The following SCHIP1 variants were observed in gnomAD, a reference collection of about 807,000 sequenced individuals.
SCHIP1 encodes schwannomin-interacting protein 1.
In SCHIP1, 8 loss-of-function variants were observed where a neutral mutation model predicts 29.7. The observed-to-expected ratio is 0.27, with a 90% CI of 0.16 to 0.49. The LOEUF is 0.49. Among genes scored for constraint, SCHIP1 ranks in the 20% least tolerant of loss-of-function variants. The pLI is 0.99. For missense variants in SCHIP1, 193 were observed against 294.6 expected (o/e 0.66, Z 2.52); for synonymous variants, 76 against 94.9 (o/e 0.80, Z 1.16).
chr3:159,684,848 A>G, the SCHIP1 span, among the ~76,000 whole-genome samples: 1 of 151,222 alleles, frequency 6.6e-6, no homozygotes, highest in East Asian at 1.9e-4. Context: ...AAAAAAAAAA[A>G]GCATCCTCTC....
chr3:159,713,924 G>T, the SCHIP1 span, among the ~76,000 whole-genome samples: 10 of 152,180 alleles, frequency 6.6e-5, no homozygotes, highest in Admixed American at 3.3e-4. Flanking sequence ...TGTGGTTAAT[G>T]GTCACATTTA....
At chr3:159,735,650 T>G in the SCHIP1 span, among the ~76,000 whole-genome samples, 84,709 of 152,062 alleles carry the variant, frequency 0.56, 26,533 homozygotes, top group East Asian at 0.71. Context: ...TTTGCCTTAC[T>G]TGCAATGAGT....
the SCHIP1 span, among the ~76,000 whole-genome samples, chr3:159,683,458 G>A: frequency 6.6e-6 from 1 of 151,984 alleles, no homozygotes; most frequent in African/African-American, 2.4e-5. Flanking sequence ...AATCGTTTTT[G>A]TAATATTCTT....
chr3:159,681,706 C>G, the SCHIP1 span, among the ~76,000 whole-genome samples: 1 of 152,222 alleles, frequency 6.6e-6, no homozygotes, highest in Admixed American at 6.5e-5. Context: ...TTTCCCTCAA[C>G]TTTTCTTTGC....
chr3:159,279,939 G>A, the SCHIP1 span, among the ~76,000 whole-genome samples: 35 of 152,248 alleles, frequency 2.3e-4, no homozygotes, highest in African/African-American at 8.4e-4. Context: ...ACTTTTCTGA[G>A]ACACTTCTTC....
the SCHIP1 span, among the ~76,000 whole-genome samples, chr3:159,644,501 C>T: frequency 6.6e-6 from 1 of 152,034 alleles, no homozygotes; most frequent in Non-Finnish European, 1.5e-5. Context: ...TCTTCTTGAT[C>T]CTTTTCTCTT....
the SCHIP1 span, among the ~76,000 whole-genome samples, chr3:159,808,148 T>A: frequency 5.8e-4 from 89 of 152,352 alleles, no homozygotes; most frequent in African/African-American, 1.5e-3. Flanking sequence ...AATTGTTTTG[T>A]TTTTATTTTG....
At chr3:159,483,100 C>T in the SCHIP1 span, among the ~76,000 whole-genome samples, 4 of 152,162 alleles carry the variant, frequency 2.6e-5, no homozygotes, top group Non-Finnish European at 5.9e-5. Flanking sequence ...AGAGCTCCCA[C>T]TGTTTTTCAC....
chr3:159,596,135 A>G, the SCHIP1 span, among the ~76,000 whole-genome samples: 3 of 152,214 alleles, frequency 2.0e-5, no homozygotes, highest in Admixed American at 2.0e-4. Flanking sequence ...AAAAGTGGGC[A>G]AAGGATATGA....
chr3:159,786,968 G>C, the SCHIP1 span, among the ~76,000 whole-genome samples: 1 of 152,104 alleles, frequency 6.6e-6, no homozygotes, highest in African/African-American at 2.4e-5. Flanking sequence ...GTCTGAGTAG[G>C]TGCGTGACTG....
At chr3:159,600,903 T>C in the SCHIP1 span, among the ~76,000 whole-genome samples, 2 of 152,200 alleles carry the variant, frequency 1.3e-5, no homozygotes, top group Non-Finnish European at 2.9e-5. Flanking sequence ...CATGCAGTAG[T>C]ATATTCTCTG....
chr3:159,523,717 C>A, the SCHIP1 span, among the ~76,000 whole-genome samples: 13 of 152,210 alleles, frequency 8.5e-5, no homozygotes, highest in African/African-American at 3.1e-4. Flanking sequence ...ACTTTGAGAA[C>A]TCTACTTGCC....
the SCHIP1 span, among the ~76,000 whole-genome samples, chr3:159,657,992 T>C: frequency 2.0e-5 from 3 of 152,220 alleles, no homozygotes; most frequent in Non-Finnish European, 4.4e-5. Context: ...GCTAATGCCA[T>C]TGATGTCCGG....
the SCHIP1 span, among the ~76,000 whole-genome samples, chr3:159,691,932 C>T: frequency 6.6e-6 from 1 of 151,668 alleles, no homozygotes; most frequent in Non-Finnish European, 1.5e-5. Context: ...TTGGCCTCCA[C>T]TCTCTTCTGG....
At chr3:159,386,189 A>G in the SCHIP1 span, among the ~76,000 whole-genome samples, 324 of 152,306 alleles carry the variant, frequency 2.1e-3, 2 homozygotes, top group Non-Finnish European at 3.5e-3. Context: ...AGCATGATTT[A>G]TAATCCCTTG....
chr3:159,838,157 T>C (rs1743856778), upstream of SCHIP1, among the ~76,000 whole-genome samples: 1 of 152,174 alleles, frequency 6.6e-6, no homozygotes, highest in Non-Finnish European at 1.5e-5. Flanking sequence ...TGCTTGTGAG[T>C]GCGTCAAGGG....
At chr3:159,476,845 A>T in the SCHIP1 span, among the ~76,000 whole-genome samples, 1 of 152,090 alleles carries the variant, frequency 6.6e-6, no homozygotes, top group Middle Eastern at 3.2e-3. Context: ...TGAAAAATAC[A>T]ATATATTTTT....
At chr3:159,895,455 G>C (rs1717971250) in intron 6 of SCHIP1, among the ~76,000 whole-genome samples, 1 of 152,186 alleles carries the variant, frequency 6.6e-6, no homozygotes, top group Admixed American at 6.5e-5. Context: ...CACAGCCCTA[G>C]ATGTTTTTAT....
At chr3:159,318,475 G>A in the SCHIP1 span, among the ~76,000 whole-genome samples, 5 of 152,248 alleles carry the variant, frequency 3.3e-5, no homozygotes, top group African/African-American at 4.8e-5. Flanking sequence ...CCACTGGGAA[G>A]ATTTCCCTTC....
Sources: allele counts gnomAD v4.1 joint callset (sites outside exome capture counted in the v4.1 genomes callset), GRCh38; gene constraint gnomAD v4.1.1; transcripts MANE v1.5; gene names NCBI Gene and HGNC (gene_info 2026-07-23, HGNC 2026-07-21).